Variants in LAMP3 observed in about 807,000 individuals in gnomAD.
The protein encoded by LAMP3 is lysosome associated membrane protein 3.
LAMP3 carries 26 observed loss-of-function variants against 34.8 expected under a neutral mutation model. The observed-to-expected ratio is 0.75, with a 90% CI of 0.55 to 1.04. The LOEUF is 1.04. Among genes scored for constraint, LAMP3 ranks in the 50% least tolerant of loss-of-function variants. LAMP3 has a pLI of 0.00. For missense variants in LAMP3, 495 were observed against 524.0 expected, an observed-to-expected ratio of 0.94 and a Z score of 0.54; for synonymous variants, 180 against 201.9, an observed-to-expected ratio of 0.89 and a Z score of 0.92.
At position 183,162,633 on chromosome 3, in the gene LAMP3, G is replaced by T. The variant is rs747443167; in HGVS notation, c.23C>A (p.Ala8Glu). The part of the protein sequence containing the change: MPRQLSA[A>E]AALFASLAVI... Reference sequence around the variant, plus strand: ...GGCCAGGGACGCGAAGAGCGCGGCCGCCGCGCTGAGCTGCCGGGGCATGGT... The same window carrying T: ...GGCCAGGGACGCGAAGAGCGCGGCCTCCGCGCTGAGCTGCCGGGGCATGGT... The change falls in exon 1 of 6, where the codon GCG becomes GAG. Residue 8 changes from alanine to glutamate, a missense_variant. Transcript: ENST00000265598. 6.5e-7 allele frequency: 1 copy of T among 1,543,352 alleles called. No homozygotes were observed. The highest frequency in any genetic ancestry group is 2.5e-5 in the East Asian group (1 of 40,724).
intron 2 of LAMP3, 49 bp from the exon 3 acceptor site, chr3:183,152,552 T>C (rs753878772): frequency 1.3e-6 from 2 of 1,537,570 alleles, no homozygotes; most frequent in South Asian, 2.5e-5. Context: ...AGGAAAACTC[T>C]AGCTAGGGAA....
upstream of LAMP3, chr3:183,162,811 T>C (rs1721018859): frequency 1.5e-6 from 1 of 664,642 alleles, no homozygotes; most frequent in Non-Finnish European, 2.4e-6. Context: ...GGAGGGAAAC[T>C]CCGCCGGCCC....
At position 183,122,478 on chromosome 3, in the gene LAMP3, A is replaced by T. The variant is rs990061371; in HGVS notation, c.*1603T>A. On this transcript the variant is annotated 3_prime_UTR_variant, in exon 6 of 6. Coordinates refer to ENST00000265598, the MANE Select transcript of LAMP3 (RefSeq NM_014398.4). Reference sequence around the variant, plus strand: ...CTTGGCAGGCTGCTCTACAGAATAAAGTGAACAATAGGAAATATGGATATG... The same window carrying T: ...CTTGGCAGGCTGCTCTACAGAATAATGTGAACAATAGGAAATATGGATATG... The T allele has an allele frequency of 2.0e-5, 3 of 152,272 alleles. No homozygotes were observed. The highest frequency in any genetic ancestry group is 7.2e-5 in the African/African-American group (3 of 41,478). The allele number at this position is 152,272 out of a possible 1,614,324, so 9.4% of individuals were successfully genotyped here.
chr3:183,129,592 T>G (rs1488260675), intron 5 of LAMP3, among the ~76,000 whole-genome samples: 3 of 152,196 alleles, frequency 2.0e-5, no homozygotes, highest in Non-Finnish European at 4.4e-5. Flanking sequence ...AGTGTATTGC[T>G]TTGACACTCA....
Position 183,122,720 on chromosome 3 carries a change from A to T in LAMP3, c.*1361T>A, listed in dbSNP as rs1159683046. 6.6e-6 allele frequency: 1 copy of T among 152,252 alleles called. No homozygotes were observed. Among genetic ancestry groups the T allele is most frequent in the Non-Finnish European group, 1.5e-5 (1 of 68,034 alleles). The allele number at this position is 152,252 out of a possible 1,614,324, so 9.4% of individuals were successfully genotyped here. On this transcript the variant is annotated 3_prime_UTR_variant, in exon 6 of 6. Coordinates refer to ENST00000265598, the MANE Select transcript of LAMP3 (RefSeq NM_014398.4). ...TCTCCTTCCAGAGAGTGGAGGATTT[A>T]TTAAGGATAGGCTATTTTGTTATCT...
At chr3:183,142,400 C>G (rs1344288422) in intron 3 of LAMP3, among the ~76,000 whole-genome samples, 1 of 152,100 alleles carries the variant, frequency 6.6e-6, no homozygotes, top group Non-Finnish European at 1.5e-5. Context: ...GGAATCTTCC[C>G]TTTGGTGTCT....
chr3:183,152,372 C>T lies in LAMP3; in HGVS notation c.888+3G>A, dbSNP rs1330129540. On this transcript the variant is annotated splice_donor_region_variant and intron_variant, in intron 3 of 5. Transcript: ENST00000265598. ...AGTTTGTGCAAAGGAGCTCAGGCCT[C>T]ACCTTGGTAAATGTGAGATTCACAA... 24 of 1,606,682 alleles carry T rather than the reference C, an allele frequency of 1.5e-5. No homozygotes were observed. Among genetic ancestry groups the T allele is most frequent in the East Asian group, 2.2e-5 (1 of 44,532 alleles).
rs576047693 is a variant in LAMP3 at position 183,158,897 on chromosome 3, T to C, written c.49+3710A>G. On this transcript the variant is annotated intron_variant, in intron 1 of 5. Transcript: ENST00000265598. The stretch of plus-strand genomic sequence containing the variant: ...ACAAGTGTTTTTTTTTGTCTTTGTT[T>C]TTGTTTTTTTTTTCTCCTTGAGACA... Among the ~76,000 whole-genome samples the C allele has an allele frequency of 3.0e-3, 458 of 151,934 alleles. 2 individuals are homozygous for C. The highest frequency in any genetic ancestry group is 0.01 in the African/African-American group (430 of 41,452).
At chr3:183,162,000 A>G in intron 1 of LAMP3, 1 of 985,166 alleles carries the variant, frequency 1.0e-6, no homozygotes, top group Non-Finnish European at 1.2e-6. Flanking sequence ...GCCGGGCGGT[A>G]GGGACGGAGA....
At chr3:183,137,229 G>C (rs1264635850) in intron 4 of LAMP3, among the ~76,000 whole-genome samples, 1 of 152,040 alleles carries the variant, frequency 6.6e-6, no homozygotes, top group Non-Finnish European at 1.5e-5. Context: ...TGAGGCAGGA[G>C]AATCTCTTGA....
At chr3:183,151,424 CTTTTTT>C (rs1303908629) in intron 3 of LAMP3, among the ~76,000 whole-genome samples, 1 of 130,038 alleles carries the variant, frequency 7.7e-6, no homozygotes, top group Non-Finnish European at 1.6e-5. Flanking sequence ...GGGGCATGCT[CTTTTTT>C]TTTTTTTTTT....
At position 183,162,674 on chromosome 3, in the gene LAMP3, T is replaced by A. The variant is rs1721014688; in HGVS notation, c.-19A>T. 6.6e-7 allele frequency: 1 copy of A among 1,517,822 alleles called. No individual in the cohort carries two copies. The allele number at this position is 1,517,822 out of a possible 1,614,324, so 94.0% of individuals were successfully genotyped here. A position where few individuals can be genotyped will look rare whatever the true frequency, so the allele number is the denominator to read the frequency against. ...GGGGCATGGTGGGCGCTGGGCGAGG[T>A]TCTGCAGCGTGCGGCGAAGTCCGGG... is the stretch of plus-strand genomic sequence containing the variant. On this transcript the variant is annotated 5_prime_UTR_variant, in exon 1 of 6. Coordinates refer to ENST00000265598, the MANE Select transcript of LAMP3 (RefSeq NM_014398.4).
At chr3:183,132,125 G>A (rs1719943232) in intron 5 of LAMP3, 1 of 985,114 alleles carries the variant, frequency 1.0e-6, no homozygotes. Flanking sequence ...AGCTAAGAAG[G>A]CAGACAACAC....
Position 183,153,946 on chromosome 3 carries a change from C to G in LAMP3, c.495G>C (p.Gln165His). ...TTGNTTQPSN[Q>H]TTLPATLSIA... ...TCGATAAAGTTGCTGGAAGGGTGGT[C>G]TGGTTACTGGGTTGAGTGGTGTTCC... The change falls in exon 2 of 6, where the codon CAG (glutamine) becomes CAC (histidine). Residue 165 changes from glutamine (Q) to histidine (H), a missense_variant. Transcript: ENST00000265598. The G allele has an allele frequency of 6.2e-7, 1 of 1,614,092 alleles. No individual in the cohort carries two copies.
Position 183,124,053 on chromosome 3 carries a change from C to G in LAMP3, c.*28G>C, listed in dbSNP as rs780947367. ...AGGGATGAAAGAGTTCTCTAAATTCCATTATTTTCATTCCCCCCGGGCAAC... is the reference window on the plus strand; with the variant it reads ...AGGGATGAAAGAGTTCTCTAAATTCGATTATTTTCATTCCCCCCGGGCAAC... On this transcript the variant is annotated 3_prime_UTR_variant, in exon 6 of 6. Transcript: ENST00000265598. 2 of 1,613,222 alleles carry G rather than the reference C, an allele frequency of 1.2e-6. No individual in the cohort carries two copies. Among genetic ancestry groups the G allele is most frequent in the Non-Finnish European group, 1.7e-6 (2 of 1,179,480 alleles).
chr3:183,132,736 G>A (rs1719964300), intron 5 of LAMP3: 1 of 985,314 alleles, frequency 1.0e-6, no homozygotes, highest in African/African-American at 1.7e-5. Flanking sequence ...AACGAGACAG[G>A]TCAATCCTTT....
At chr3:183,129,933 AAGAGGAC>A (rs1255581577) in intron 5 of LAMP3, among the ~76,000 whole-genome samples, 3 of 152,142 alleles carry the variant, frequency 2.0e-5, no homozygotes, top group African/African-American at 7.2e-5. Flanking sequence ...TCCTTACACA[AAGAGGAC>A]ATATGGATAC....
At chr3:183,144,366 G>A (rs1217480556) in intron 3 of LAMP3, among the ~76,000 whole-genome samples, 1 of 152,234 alleles carries the variant, frequency 6.6e-6, no homozygotes, top group Non-Finnish European at 1.5e-5. Flanking sequence ...TGTGTGACAA[G>A]TGCATTGATG....
rs1719719362 is a variant in LAMP3 at position 183,123,687 on chromosome 3, T to A, written c.*394A>T. ...GTCCATTTGATAACAAAGCAAAGGCTTTGTTAAGATCAAGGGTAAAATAAA... is the reference window on the plus strand; with the variant it reads ...GTCCATTTGATAACAAAGCAAAGGCATTGTTAAGATCAAGGGTAAAATAAA... On this transcript the variant is annotated 3_prime_UTR_variant, in exon 6 of 6. Transcript: ENST00000265598. The A allele has an allele frequency of 5.6e-6, 1 of 177,738 alleles. No homozygotes were observed. Among genetic ancestry groups the A allele is most frequent in the South Asian group, 1.2e-4 (1 of 8,456 alleles). 11.0% of individuals were successfully genotyped at this position (177,738 alleles called of 1,614,324 possible).
Sources: gnomAD v4.1 joint callset for allele counts (sites outside exome capture counted in the v4.1 genomes callset) on GRCh38, gnomAD v4.1.1 for gene constraint, MANE v1.5 for transcripts, NCBI Gene and HGNC (gene_info 2026-07-23, HGNC 2026-07-21) for gene names.